Variants in PKNOX1 observed in about 807,000 individuals in gnomAD.
PKNOX1 encodes homeobox protein PKNOX1.
Under a neutral mutation model 51.9 loss-of-function variants are expected in PKNOX1, and 15 were observed. That is an observed-to-expected ratio of 0.29 (90% CI 0.19 to 0.45). The LOEUF (loss-of-function observed/expected upper bound fraction) is 0.45. Among genes scored for constraint, PKNOX1 ranks in the 20% least tolerant of loss-of-function variants. The probability of loss-of-function intolerance (pLI) is 1.00; values close to 1 mark genes in which losing one functional copy is unlikely to be tolerated. For missense variants in PKNOX1, 462 were observed against 547.5 expected, an observed-to-expected ratio of 0.84 and a Z score of 1.56; for synonymous variants, 219 against 211.1, an observed-to-expected ratio of 1.04 and a Z score of -0.32.
chr21:43,027,515 G>A (rs1008678120), intron 9 of PKNOX1, among the ~76,000 whole-genome samples: 2 of 152,170 alleles, frequency 1.3e-5, no homozygotes, highest in African/African-American at 4.8e-5. Flanking sequence ...AAAGGCAACA[G>A]CTCATAGCAT....
rs1431159287 is a variant in PKNOX1 at position 43,010,048 on chromosome 21, C to T, written c.180-5C>T. On this transcript the variant is annotated splice_region_variant and splice_polypyrimidine_tract_variant and intron_variant, in intron 3 of 10. Coordinates refer to ENST00000291547, the MANE Select transcript of PKNOX1 (RefSeq NM_004571.5). ...AATGGATTCTTTTTTTTCTTTTCTCCTCAGGCATCCACTATTTCCATTATT... is the reference window on the plus strand; with the variant it reads ...AATGGATTCTTTTTTTTCTTTTCTCTTCAGGCATCCACTATTTCCATTATT... The T allele has an allele frequency of 6.5e-7, 1 of 1,536,238 alleles. No homozygotes were observed. Among genetic ancestry groups the T allele is most frequent in the Non-Finnish European group, 8.7e-7 (1 of 1,142,864 alleles).
chr21:43,028,634 A>T, intron 9 of PKNOX1, 68 bp from the exon 10 acceptor site: 1 of 1,443,312 alleles, frequency 6.9e-7, no homozygotes, highest in Non-Finnish European at 9.6e-7. Flanking sequence ...TGTTAGAAGG[A>T]TTTGTTAATC....
intron 1 of PKNOX1, among the ~76,000 whole-genome samples, chr21:42,978,310 C>T (rs1024431000): frequency 6.6e-6 from 1 of 151,830 alleles, no homozygotes; most frequent in African/African-American, 2.4e-5. Flanking sequence ...TGGCCATTTT[C>T]TTATTCATGT....
chr21:42,978,516 C>G (rs1235941328), intron 1 of PKNOX1, among the ~76,000 whole-genome samples: 1 of 139,156 alleles, frequency 7.2e-6, no homozygotes, highest in East Asian at 2.1e-4. Flanking sequence ...GATGGAGTCG[C>G]TCTGTCGCCC....
At chr21:42,976,578 A>G (rs1470832791) in intron 1 of PKNOX1, among the ~76,000 whole-genome samples, 2 of 152,216 alleles carry the variant, frequency 1.3e-5, no homozygotes, top group African/African-American at 2.4e-5. Flanking sequence ...AGTTGATGTG[A>G]TATTCCAAAT....
chr21:42,993,537 A>G (rs970524948), intron 1 of PKNOX1, among the ~76,000 whole-genome samples: 1 of 148,132 alleles, frequency 6.8e-6, no homozygotes, highest in African/African-American at 2.5e-5. Context: ...TTTTTTTTTC[A>G]CAATTCTAAA....
At chr21:42,988,314 G>T (rs761054624) in intron 1 of PKNOX1, among the ~76,000 whole-genome samples, 1 of 152,174 alleles carries the variant, frequency 6.6e-6, no homozygotes, top group African/African-American at 2.4e-5. Context: ...CTCCCAAACT[G>T]CTGGGATTAC....
chr21:42,990,155 G>T lies in PKNOX1; in HGVS notation c.-56-14171G>T, dbSNP rs531446885. On this transcript the variant is annotated intron_variant, in intron 1 of 10. Coordinates refer to ENST00000291547, the MANE Select transcript of PKNOX1 (RefSeq NM_004571.5). ...AGTGTGCCTGTAATCCCAGCTACTC[G>T]GGTGGCTGAGGCAGGAGAATTGCTT... 1.6e-3 allele frequency among the ~76,000 whole-genome samples: 241 copies of T among 152,020 alleles called. 1 individual carries two copies. Among genetic ancestry groups the T allele is most frequent in the African/African-American group, 5.4e-3 (222 of 41,488 alleles).
At chr21:43,025,197 G>A (rs1309128254) in intron 9 of PKNOX1, among the ~76,000 whole-genome samples, 1 of 152,142 alleles carries the variant, frequency 6.6e-6, no homozygotes, top group Non-Finnish European at 1.5e-5. Context: ...AAAAATATGA[G>A]TTCTTTTAAT....
At chr21:43,026,182 GCATT>G (rs903867021) in intron 9 of PKNOX1, among the ~76,000 whole-genome samples, 6 of 152,230 alleles carry the variant, frequency 3.9e-5, no homozygotes, top group African/African-American at 1.4e-4. Context: ...CTGCTTTTCT[GCATT>G]CATGATTTCC....
chr21:43,003,341 A>G (rs1978845865), intron 1 of PKNOX1, among the ~76,000 whole-genome samples: 1 of 152,162 alleles, frequency 6.6e-6, no homozygotes, highest in Non-Finnish European at 1.5e-5. Flanking sequence ...TTCCTGCTCC[A>G]TCCTTCAGTG....
At chr21:42,986,344 T>C (rs2059052501) in intron 1 of PKNOX1, among the ~76,000 whole-genome samples, 1 of 151,406 alleles carries the variant, frequency 6.6e-6, no homozygotes, top group Non-Finnish European at 1.5e-5. Flanking sequence ...CTACTAGAAA[T>C]AGAAAAATTA....
At chr21:42,977,564 T>G (rs2059003716) in intron 1 of PKNOX1, among the ~76,000 whole-genome samples, 2 of 51,804 alleles carry the variant, frequency 3.9e-5, no homozygotes, top group South Asian at 1.4e-3. Flanking sequence ...TTTTTTTTTT[T>G]GAGATGGATT....
rs548250272 is a variant in PKNOX1, at chr21:43,022,097, C to G, written c.849+666C>G. The stretch of plus-strand genomic sequence containing the variant: ...GCAGGCGGGGCTCTCCTGGGACAAG[C>G]ACAGGGAGGCCAAGGCGGGAAGGCA... On this transcript the variant is annotated intron_variant, in intron 8 of 10. Coordinates refer to ENST00000291547, the MANE Select transcript of PKNOX1 (RefSeq NM_004571.5). Among the ~76,000 whole-genome samples the G allele has an allele frequency of 1.3e-4, 20 of 152,286 alleles. 1 individual carries two copies. Among genetic ancestry groups the G allele is most frequent in the African/African-American group, 4.6e-4 (19 of 41,582 alleles).
Position 43,032,904 on chromosome 21 carries a change from A to T in PKNOX1, c.*2803A>T, listed in dbSNP as rs868128749. The T allele has an allele frequency of 6.6e-6, 1 of 152,200 alleles. No individual in the cohort carries two copies. The highest frequency in any genetic ancestry group is 2.4e-5 in the African/African-American group (1 of 41,452). The allele number at this position is 152,200 out of a possible 1,614,324, so 9.4% of individuals were successfully genotyped here. On this transcript the variant is annotated 3_prime_UTR_variant, in exon 11 of 11. Transcript: ENST00000291547. The stretch of plus-strand genomic sequence containing the variant: ...TCAGTTTGCAAAATCACTGCCCAGC[A>T]TGTTTGAGGTCAGTTGGCACCTTAA...
At chr21:43,028,564 A>G (rs1253117694) in intron 9 of PKNOX1, 138 bp from the exon 10 acceptor site, 19 of 738,014 alleles carry the variant, frequency 2.6e-5, no homozygotes, top group Non-Finnish European at 4.2e-5. Context: ...CCTCTTAAGT[A>G]GTTACTATAG....
intron 6 of PKNOX1, 86 bp from the exon 7 acceptor site, chr21:43,018,047 C>CAAAAAAAAAAAAAAAAAAAAAAAAAAA: frequency 3.7e-6 from 1 of 273,750 alleles, no homozygotes. Flanking sequence ...CCTGTCTCTA[C>CAAAAAAAAAAAAAAAAAAAAAAAAAAA]AAAAAAAAAA....
chr21:43,018,252 A>T (rs1979589433), intron 7 of PKNOX1, 22 bp downstream of exon 7: 1 of 1,549,816 alleles, frequency 6.5e-7, no homozygotes, highest in Non-Finnish European at 8.9e-7. Context: ...ATTTTATGGA[A>T]GGCTTTGGGG....
In PKNOX1 at chr21:42,992,271, A is replaced by G. The variant is rs372582016; in HGVS notation, c.-56-12055A>G. On this transcript the variant is annotated intron_variant, in intron 1 of 10. Transcript: ENST00000291547. ...AGTTCGACCTTATCTTAGAAGCACA[A>G]TTATTTTATCGTCAGAGGTCAGGCT... 5.3e-5 allele frequency among the ~76,000 whole-genome samples: 8 copies of G among 152,336 alleles called. No individual in the cohort carries two copies. In the South Asian group the frequency reaches 6.2e-4, roughly 12 times the overall value.
Sources: gnomAD v4.1 joint callset for allele counts (sites outside exome capture counted in the v4.1 genomes callset) on GRCh38, gnomAD v4.1.1 for gene constraint, MANE v1.5 for transcripts, NCBI Gene and HGNC (gene_info 2026-07-23, HGNC 2026-07-21) for gene names.